The following AK5 variants were observed in gnomAD, a reference collection of about 807,000 sequenced individuals.
AK5 encodes the protein adenylate kinase isoenzyme 5.
Under a neutral mutation model 69.5 loss-of-function variants are expected in AK5, and 27 were observed. That is an observed-to-expected ratio of 0.39 (90% CI 0.29 to 0.54). The LOEUF is 0.54. AK5 is among the 20% of genes least tolerant of loss of function. The pLI, the probability that AK5 is intolerant of heterozygous loss-of-function variation, is 0.71. For synonymous variants in AK5, 260 were observed against 244.4 expected (o/e 1.06, Z -0.60); for missense variants, 531 against 700.4 (o/e 0.76, Z 2.73).
intron 6 of AK5, among the ~76,000 whole-genome samples, chr1:77,376,463 A>AAAAAAAAT (rs1647259522): frequency 7.5e-6 from 1 of 133,276 alleles, no homozygotes; most frequent in Non-Finnish European, 1.6e-5. Context: ...AAAAAAAAAA[A>AAAAAAAAT]CATGTCTTAC....
intron 6 of AK5, among the ~76,000 whole-genome samples, chr1:77,371,783 A>G (rs1290310885): frequency 6.6e-6 from 1 of 152,220 alleles, no homozygotes; most frequent in Non-Finnish European, 1.5e-5. Flanking sequence ...CATAGATAGT[A>G]TGCAGACTAA....
At chr1:77,327,712 T>A (rs917149550) in intron 5 of AK5, among the ~76,000 whole-genome samples, 9 of 152,198 alleles carry the variant, frequency 5.9e-5, no homozygotes, top group African/African-American at 1.9e-4. Context: ...CCCTCCAATT[T>A]CAGAAAGTTA....
In AK5 at chr1:77,417,651, T is replaced by G. The variant is rs765181628; in HGVS notation, c.995T>G (p.Leu332Arg). 6.2e-7 allele frequency: 1 copy of G among 1,607,670 alleles called. No individual in the cohort carries two copies. Among genetic ancestry groups the G allele is most frequent in the South Asian group, 1.1e-5 (1 of 90,754 alleles). ...NKEAAAGSSD[L>R]DPSMILDTGE... ...TTCCTAATCTTAGGTTCAAGTGACCTTGATCCTTCGATGATATTGGACACT... is the reference window on the plus strand; with the variant it reads ...TTCCTAATCTTAGGTTCAAGTGACCGTGATCCTTCGATGATATTGGACACT... Residue 332 changes from leucine (L) to arginine (R), a missense_variant, in exon 8 of 14, where the codon CTT (leucine) becomes CGT (arginine). Leu to Arg is a moderately radical substitution (Grantham distance 102). Coordinates refer to ENST00000354567, the MANE Select transcript of AK5 (RefSeq NM_174858.3).
rs1023289052 is a variant in AK5 at position 77,394,222 on chromosome 1, A to G, written c.892-16759A>G. Among the ~76,000 whole-genome samples, 9 of 152,070 alleles carry G rather than the reference A, an allele frequency of 5.9e-5. No individual in the cohort carries two copies. In the South Asian group the frequency reaches 6.3e-4, roughly 11 times the overall value. On this transcript the variant is annotated intron_variant, in intron 6 of 13. Transcript: ENST00000354567. ...AGAGCGAGACTCCATCTCAAAAAAA[A>G]AAAAAGAAAAAGAAAAAATGTCGTA...
Position 77,468,396 on chromosome 1 carries a change from G to T in AK5, c.1060-14921G>T, listed in dbSNP as rs1015197703. ...GGTAACTGGATTCAGTCCCTACTCA[G>T]CTCCTTAGCCAGGAATATTTGTGAA... On this transcript the variant is annotated intron_variant, in intron 8 of 13. Transcript: ENST00000354567. 2.6e-5 allele frequency among the ~76,000 whole-genome samples: 4 copies of T among 152,194 alleles called. No individual in the cohort carries two copies. In the East Asian group the frequency reaches 7.7e-4, roughly 29 times the overall value.
At chr1:77,432,853 GA>G (rs1431184245) in intron 8 of AK5, among the ~76,000 whole-genome samples, 1 of 152,148 alleles carries the variant, frequency 6.6e-6, no homozygotes. Flanking sequence ...TCTTGCCAAA[GA>G]AAAAGGTAAG....
chr1:77,522,634 T>C (rs1014201129), intron 12 of AK5, among the ~76,000 whole-genome samples: 1 of 151,674 alleles, frequency 6.6e-6, no homozygotes, highest in African/African-American at 2.4e-5. Context: ...GTGAGGAGGG[T>C]GGGTCAGGGA....
In AK5 at chr1:77,559,816, A is replaced by C. The variant is rs550516527; in HGVS notation, c.*1146A>C. On this transcript the variant is annotated 3_prime_UTR_variant, in exon 14 of 14. Transcript: ENST00000354567. Reference sequence around the variant, plus strand: ...ACTGCATCTTCCACTCAGTCACTACAAAAAAGCATAGTTTCAGTTTGCATG... The same window carrying C: ...ACTGCATCTTCCACTCAGTCACTACCAAAAAGCATAGTTTCAGTTTGCATG... 3.9e-5 allele frequency: 6 copies of C among 152,642 alleles called. No homozygotes were observed. The highest frequency in any genetic ancestry group is 1.4e-4 in the African/African-American group (6 of 41,538). 9.5% of individuals were successfully genotyped at this position (152,642 alleles called of 1,614,324 possible).
At chr1:77,488,428 T>C (rs1350157134) in intron 10 of AK5, among the ~76,000 whole-genome samples, 1 of 152,196 alleles carries the variant, frequency 6.6e-6, no homozygotes, top group Non-Finnish European at 1.5e-5. Flanking sequence ...ATTCAATCTT[T>C]ATATTAGGAG....
At chr1:77,398,708 GCTTT>G (rs1221280428) in intron 6 of AK5, among the ~76,000 whole-genome samples, 1 of 151,874 alleles carries the variant, frequency 6.6e-6, no homozygotes, top group Non-Finnish European at 1.5e-5. Context: ...TCCCTTTAAC[GCTTT>G]CTTTACCAAG....
At chr1:77,292,364 A>G (rs2100651830) in intron 2 of AK5, among the ~76,000 whole-genome samples, 1 of 152,260 alleles carries the variant, frequency 6.6e-6, no homozygotes, top group East Asian at 1.9e-4. Context: ...AAATGAATCT[A>G]GTGGGTCTGT....
At chr1:77,317,309 C>T (rs1053672344) in intron 5 of AK5, among the ~76,000 whole-genome samples, 6 of 152,178 alleles carry the variant, frequency 3.9e-5, no homozygotes, top group African/African-American at 1.4e-4. Context: ...GAAGCCCTAT[C>T]ACCTTTTGTA....
chr1:77,340,227 TAG>T (rs1661577565), intron 5 of AK5, 148 bp from the exon 6 acceptor site: 2 of 683,168 alleles, frequency 2.9e-6, no homozygotes, highest in Non-Finnish European at 4.8e-6. Flanking sequence ...TGGCCTTGGG[TAG>T]AGCAGCAGCC....
At chr1:77,439,512 C>G (rs1307035350) in intron 8 of AK5, among the ~76,000 whole-genome samples, 1 of 152,056 alleles carries the variant, frequency 6.6e-6, no homozygotes, top group Non-Finnish European at 1.5e-5. Context: ...TATCTAACTG[C>G]ATTTTTATAC....
chr1:77,555,914 G>C (rs917403358), intron 13 of AK5, among the ~76,000 whole-genome samples: 7 of 152,208 alleles, frequency 4.6e-5, no homozygotes, highest in Admixed American at 2.0e-4. Flanking sequence ...AAAGAAGAAA[G>C]AAGTAAAGCA....
At chr1:77,365,067 C>T (rs1039658192) in intron 6 of AK5, among the ~76,000 whole-genome samples, 26 of 152,228 alleles carry the variant, frequency 1.7e-4, no homozygotes, top group Middle Eastern at 6.8e-3. Context: ...ATTCATGCTA[C>T]CTGGTGAGAT....
At chr1:77,512,457 CA>C (rs1235612180) in intron 10 of AK5, among the ~76,000 whole-genome samples, 1 of 152,154 alleles carries the variant, frequency 6.6e-6, no homozygotes, top group East Asian at 1.9e-4. Context: ...TAGCTTTTGC[CA>C]AGCACCAATA....
intron 13 of AK5, among the ~76,000 whole-genome samples, chr1:77,549,131 C>T (rs1335115574): frequency 6.6e-6 from 1 of 151,968 alleles, no homozygotes; most frequent in Non-Finnish European, 1.5e-5. Flanking sequence ...CCTCCTCGGC[C>T]TCCCAAAGTC....
intron 8 of AK5, among the ~76,000 whole-genome samples, chr1:77,441,308 T>C (rs1454567466): frequency 6.6e-6 from 1 of 152,196 alleles, no homozygotes; most frequent in Non-Finnish European, 1.5e-5. Context: ...TTACTTTTTA[T>C]TGGGGTCTCT....
Sources: gnomAD v4.1 joint callset for allele counts (sites outside exome capture counted in the v4.1 genomes callset) on GRCh38, gnomAD v4.1.1 for gene constraint, MANE v1.5 for transcripts, NCBI Gene and HGNC (gene_info 2026-07-23, HGNC 2026-07-21) for gene names.